Variants in OAS3 observed in about 807,000 individuals in gnomAD.
OAS3 encodes 2'-5'-oligoadenylate synthase 3.
In OAS3, 107 loss-of-function variants were observed where a neutral mutation model predicts 113.0. That is an observed-to-expected ratio of 0.95 (90% CI 0.81 to 1.11). The LOEUF (loss-of-function observed/expected upper bound fraction) is 1.11. OAS3 is among the 50% of genes most tolerant of loss of function. OAS3 has a pLI of 0.00. For synonymous variants in OAS3, 552 were observed against 573.6 expected (o/e 0.96, Z 0.54); for missense variants, 1,258 against 1,389.1 (o/e 0.91, Z 1.50).
intron 6 of OAS3, among the ~76,000 whole-genome samples, chr12:112,949,606 G>A (rs1216004193): frequency 6.6e-6 from 1 of 152,144 alleles, no homozygotes; most frequent in Non-Finnish European, 1.5e-5. Context: ...CTTCCTAGAA[G>A]AAAATGAGAA....
chr12:112,970,080 G>GCTCACACACACA lies in OAS3; in HGVS notation c.*107_*108insCTCACACACACA. ...CAGATGAGAGAGATTGTGTACATGTGTGTGTGAGCACATGTGTGCATGTGT... is the reference window on the plus strand; with the variant it reads ...CAGATGAGAGAGATTGTGTACATGTGCTCACACACACATGTGTGAGCACATGTGTGCATGTGT... On this transcript the variant is annotated 3_prime_UTR_variant, in exon 16 of 16. Transcript: ENST00000228928. The GCTCACACACACA allele has an allele frequency of 2.3e-6, 3 of 1,309,958 alleles. No individual in the cohort carries two copies. The highest frequency in any genetic ancestry group is 3.2e-6 in the Non-Finnish European group (3 of 924,146). 81.1% of individuals were successfully genotyped at this position (1,309,958 alleles called of 1,614,324 possible). A position where few individuals can be genotyped will look rare whatever the true frequency, so the allele number is the denominator to read the frequency against.
In OAS3 at chr12:112,970,465, C is replaced by G. The variant is rs1203033857; in HGVS notation, c.*492C>G. 5.7e-6 allele frequency: 1 copy of G among 175,028 alleles called. No individual in the cohort carries two copies. The highest frequency in any genetic ancestry group is 1.5e-4 in the South Asian group (1 of 6,770). 10.8% of individuals were successfully genotyped at this position (175,028 alleles called of 1,614,324 possible). ...GTCAGCCACAGTCATTTGGTACTGGCTACCTGGAGCCTTATCTTCTGAAGG... is the reference window on the plus strand; with the variant it reads ...GTCAGCCACAGTCATTTGGTACTGGGTACCTGGAGCCTTATCTTCTGAAGG... On this transcript the variant is annotated 3_prime_UTR_variant, in exon 16 of 16. Transcript: ENST00000228928.
At chr12:112,960,056 A>G (rs910363746) in intron 7 of OAS3, among the ~76,000 whole-genome samples, 1 of 151,888 alleles carries the variant, frequency 6.6e-6, no homozygotes, top group Non-Finnish European at 1.5e-5. Flanking sequence ...ATAGTTTGTA[A>G]TTTTTTATTG....
rs2043967105 is a variant in OAS3 at position 112,969,707 on chromosome 12, GT to G, written c.3205del (p.Cys1069AlafsTer15). The G allele has an allele frequency of 6.2e-7, 1 of 1,613,118 alleles. No homozygotes were observed. The highest frequency in any genetic ancestry group is 1.3e-5 in the African/African-American group (1 of 74,924). On this transcript the variant is annotated frameshift_variant, in exon 15 of 16. Coordinates refer to ENST00000228928, the MANE Select transcript of OAS3 (RefSeq NM_006187.4). LOFTEE classifies it low-confidence loss of function (END_TRUNC). The stretch of plus-strand genomic sequence containing the variant: ...AAGCTGCAGCCTGCACATCTGCCCT[GT>G]GCTGCATGGGACGGAATGGCATCCC... ...KEAAACTSAL[C>X]CMGRNGIPIQ... is the part of the protein sequence containing the mutation.
intron 12 of OAS3, 135 bp downstream of exon 12, chr12:112,966,164 C>T: frequency 1.1e-6 from 1 of 930,072 alleles, no homozygotes. Context: ...TGTGTATGTT[C>T]ATCACAACTT....
At chr12:112,959,062 G>C (rs2043859978) in intron 7 of OAS3, among the ~76,000 whole-genome samples, 1 of 152,204 alleles carries the variant, frequency 6.6e-6, no homozygotes. Flanking sequence ...CCCTCCCCTA[G>C]CCTCGCTTCT....
In OAS3 at chr12:112,963,541, C is replaced by G; in HGVS notation, c.2229+84C>G. On this transcript the variant is annotated intron_variant, in intron 10 of 15. Coordinates refer to ENST00000228928, the MANE Select transcript of OAS3 (RefSeq NM_006187.4). This position sits in a 1 kb window ranked among gnomAD's most constrained non-coding sequence, Gnocchi z 4.6. ...CCTTAACCTGCCGGTGCACCCATCC[C>G]CAGCTGCTAGGAGTGTTGGTGGCTG... 1 of 1,330,798 alleles carries G rather than the reference C, an allele frequency of 7.5e-7. No individual in the cohort carries two copies. Among genetic ancestry groups the G allele is most frequent in the Middle Eastern group, 1.9e-4 (1 of 5,186 alleles). The allele number at this position is 1,330,798 out of a possible 1,614,324, so 82.4% of individuals were successfully genotyped here.
At chr12:112,964,437 A>C (rs943751809) in intron 11 of OAS3, 29 bp downstream of exon 11, 2 of 1,597,886 alleles carry the variant, frequency 1.3e-6, no homozygotes, top group African/African-American at 2.7e-5. Context: ...GTAGGCAAGC[A>C]GTGTCCTGCA....
rs2043992130 is a variant in OAS3, at chr12:112,972,378, G to T, written c.*2405G>T. ...GCATATTGGCCCCACTGTAACTTTT[G>T]GGGGCTTCCCGGTCTAGCCACACCC... is the stretch of plus-strand genomic sequence containing the variant. On this transcript the variant is annotated 3_prime_UTR_variant, in exon 16 of 16. Transcript: ENST00000228928. 6.6e-6 allele frequency: 1 copy of T among 152,188 alleles called. No individual in the cohort carries two copies. The highest frequency in any genetic ancestry group is 1.5e-5 in the Non-Finnish European group (1 of 68,052). 9.4% of individuals were successfully genotyped at this position (152,188 alleles called of 1,614,324 possible). A position where few individuals can be genotyped will look rare whatever the true frequency, so the allele number is the denominator to read the frequency against.
rs2043652069 is a variant in OAS3, at chr12:112,938,671, C to T, written c.141C>T (p.Leu47=). The T allele has an allele frequency of 2.5e-6, 4 of 1,585,880 alleles. No homozygotes were observed. Among genetic ancestry groups the T allele is most frequent in the Admixed American group, 1.8e-5 (1 of 55,446 alleles). Residue 47 remains leucine (L), a synonymous_variant, in exon 1 of 16, where the codon CTC becomes CTT. Coordinates refer to ENST00000228928, the MANE Select transcript of OAS3 (RefSeq NM_006187.4). ...CCCTGAGGGAGCGCGGGGGCCGCCT[C>T]GGTGCTGCTGCCCCGCGGGTGCTGA... is the stretch of plus-strand genomic sequence containing the variant. ...AAALRERGGR[L]GAAAPRVLKT...
At chr12:112,967,103 C>T (rs932472787) in intron 12 of OAS3, among the ~76,000 whole-genome samples, 5 of 152,190 alleles carry the variant, frequency 3.3e-5, no homozygotes, top group East Asian at 1.9e-4. Flanking sequence ...TGCCCTCCCT[C>T]GGTTAGACAG....
chr12:112,944,192 C>T (rs1438943682), intron 2 of OAS3, among the ~76,000 whole-genome samples: 2 of 152,202 alleles, frequency 1.3e-5, no homozygotes, highest in Non-Finnish European at 2.9e-5. Context: ...GTTTAACCAT[C>T]TTGGAATGCA....
Position 112,950,915 on chromosome 12 carries a change from G to C in OAS3, c.1597G>C (p.Val533Leu). The stretch of plus-strand genomic sequence containing the variant: ...GCCTGAGGCTCTGCAGTTCCAGCTG[G>C]TGTCCACAGCCCTGAAGAGCTGGAC... ...NVPEALQFQL[V>L]STALKSWTDV... The change falls in exon 7 of 16, where the codon GTG (valine) becomes CTG (leucine). Residue 533 changes from valine to leucine, a missense_variant. Transcript: ENST00000228928. 2 of 1,613,986 alleles carry C rather than the reference G, an allele frequency of 1.2e-6. No individual in the cohort carries two copies. The highest frequency in any genetic ancestry group is 1.7e-6 in the Non-Finnish European group (2 of 1,179,896).
chr12:112,957,382 T>A (rs1405713978), intron 7 of OAS3, among the ~76,000 whole-genome samples: 4 of 152,208 alleles, frequency 2.6e-5, no homozygotes, highest in Non-Finnish European at 5.9e-5. Flanking sequence ...GTCATTATGA[T>A]GTTGGCTGGT....
At chr12:112,961,599 T>TC (rs977400257) in intron 8 of OAS3, among the ~76,000 whole-genome samples, 7 of 152,070 alleles carry the variant, frequency 4.6e-5, no homozygotes, top group African/African-American at 1.7e-4. Flanking sequence ...AAAAGAAAAC[T>TC]CCCCTTTCTG....
chr12:112,943,456 T>A (rs1252287214), intron 2 of OAS3, among the ~76,000 whole-genome samples: 1 of 152,158 alleles, frequency 6.6e-6, no homozygotes, highest in Admixed American at 6.5e-5. Context: ...CAGGGAATTA[T>A]GGAAAGTGTT....
intron 7 of OAS3, 147 bp downstream of exon 7, chr12:112,951,122 C>G: frequency 1.4e-6 from 1 of 731,988 alleles, no homozygotes; most frequent in East Asian, 2.7e-5. Flanking sequence ...GTAATCATCA[C>G]CATCAAATCT....
In OAS3 at chr12:112,954,596, C is replaced by T. The variant is rs558834053; in HGVS notation, c.1657+3621C>T. Among the ~76,000 whole-genome samples the T allele has an allele frequency of 6.6e-6, 1 of 152,106 alleles. No individual in the cohort carries two copies. The highest frequency in any genetic ancestry group is 1.5e-5 in the Non-Finnish European group (1 of 68,014). On this transcript the variant is annotated intron_variant, in intron 7 of 15. Transcript: ENST00000228928. This position sits in a 1 kb window ranked among gnomAD's most constrained non-coding sequence, Gnocchi z 4.0. The stretch of plus-strand genomic sequence containing the variant: ...CAGGCGTGAGCCACTGCGCCTGGCC[C>T]CATTTCTTGTTTTTGTCAGGTTTGT...
Position 112,941,764 on chromosome 12 carries a change from C to T in OAS3, c.372C>T (p.Ser124=), listed in dbSNP as rs376282713. The part of the protein sequence containing the change: ...PGLRLTFPEQ[S]VPGALQFRLT... ...TGAGACTCACGTTTCCTGAGCAGAG[C>T]GTGCCTGGGGCCCTGCAGTTCCGCC... The change falls in exon 2 of 16, where the codon AGC becomes AGT. Residue 124 remains serine (S), a synonymous_variant. Transcript: ENST00000228928. 1.5e-5 allele frequency: 25 copies of T among 1,613,896 alleles called. No homozygotes were observed. Among genetic ancestry groups the T allele is most frequent in the African/African-American group, 5.3e-5 (4 of 74,918 alleles).
Sources: allele counts gnomAD v4.1 joint callset (sites outside exome capture counted in the v4.1 genomes callset), GRCh38; gene constraint gnomAD v4.1.1; non-coding constraint Gnocchi (gnomAD v3.1); transcripts MANE v1.5; gene names NCBI Gene and HGNC (gene_info 2026-07-23, HGNC 2026-07-21).